C1GALT1: variants seen among roughly 807,000 people sequenced by gnomAD.
The protein encoded by C1GALT1 is glycoprotein-N-acetylgalactosamine 3-beta-galactosyltransferase 1.
A neutral mutation model predicts 31.0 loss-of-function variants in C1GALT1; 11 were observed. The observed-to-expected ratio is 0.36, with a 90% CI of 0.22 to 0.59. The LOEUF (loss-of-function observed/expected upper bound fraction) is 0.59. C1GALT1 is among the 20% of genes least tolerant of loss of function. C1GALT1 has a pLI of 0.79. For missense variants in C1GALT1, 424 were observed against 425.2 expected (o/e 1.00, Z 0.03); for synonymous variants, 175 against 143.6 (o/e 1.22, Z -1.56).
At chr7:7,182,355 C>A (rs1053729380), upstream of C1GALT1, among the ~76,000 whole-genome samples, 1 of 152,204 alleles carries the variant, frequency 6.6e-6, no homozygotes, top group Admixed American at 6.5e-5. Context: ...GTAGCAGACA[C>A]AAGCCGCAAG....
chr7:7,183,455 T>C, intron 1 of C1GALT1: 1 of 257,892 alleles, frequency 3.9e-6, no homozygotes, highest in Non-Finnish European at 6.1e-6. Context: ...AGCAGATACG[T>C]GTGTGTTGGG....
intron 1 of C1GALT1, among the ~76,000 whole-genome samples, chr7:7,222,004 C>A (rs1300409573): frequency 6.6e-6 from 1 of 152,182 alleles, no homozygotes; most frequent in Non-Finnish European, 1.5e-5. Flanking sequence ...GCTAAAATTA[C>A]CCTCTATGGG....
At chr7:7,239,149 GA>G (rs1459050326) in intron 3 of C1GALT1, among the ~76,000 whole-genome samples, 6 of 152,208 alleles carry the variant, frequency 3.9e-5, no homozygotes, top group Non-Finnish European at 8.8e-5. Context: ...CAGGCACTGA[GA>G]ATGTAGAAGT....
chr7:7,188,891 C>G (rs1378558941), intron 1 of C1GALT1, among the ~76,000 whole-genome samples: 1 of 152,114 alleles, frequency 6.6e-6, no homozygotes, highest in African/African-American at 2.4e-5. Context: ...AAAAGCTGAA[C>G]ATACATATGT....
In C1GALT1 at chr7:7,243,741, A is replaced by G. The variant is rs768559591; in HGVS notation, c.*14A>G. The G allele has an allele frequency of 8.9e-6, 14 of 1,567,900 alleles. No individual in the cohort carries two copies. In the African/African-American group the frequency reaches 1.9e-4, roughly 21 times the overall value. On this transcript the variant is annotated 3_prime_UTR_variant, in exon 4 of 4. Transcript: ENST00000436587. ...GGAAATCCTTGAAAGAAAATCATGA[A>G]TGAACAAAGGTAATATGTCTAGCAC...
In C1GALT1 at chr7:7,157,495, T is replaced by A. The variant is rs536872568; in HGVS notation, c.-18+69T>A. The stretch of plus-strand genomic sequence containing the variant: ...CTTTTAGGAATGGATTTGGGGAAAT[T>A]AAGAAACTGTACACCATAACCTTGC... On this transcript the variant is annotated intron_variant, in intron 2 of 3. Coordinates refer to the C1GALT1 transcript ENST00000429911. 5.3e-5 allele frequency: 8 copies of A among 152,346 alleles called. No homozygotes were observed. The East Asian group carries it at 1.5e-3, about 29-fold the overall frequency. The allele number at this position is 152,346 out of a possible 1,614,324, so 9.4% of individuals were successfully genotyped here.
At chr7:7,207,182 T>C (rs549566683) in intron 1 of C1GALT1, among the ~76,000 whole-genome samples, 12 of 152,178 alleles carry the variant, frequency 7.9e-5, no homozygotes, top group Admixed American at 3.9e-4. Flanking sequence ...TTGTTCTCTC[T>C]TCAAGTTCAC....
intron 1 of C1GALT1, among the ~76,000 whole-genome samples, chr7:7,226,130 G>A (rs1782749046): frequency 6.6e-6 from 1 of 152,000 alleles, no homozygotes; most frequent in African/African-American, 2.4e-5. Context: ...TTCTAACATG[G>A]TACCTCACAT....
At chr7:7,236,590 C>T (rs144154443) in intron 2 of C1GALT1, among the ~76,000 whole-genome samples, 3,988 of 151,752 alleles carry the variant, frequency 0.026, 150 homozygotes, top group African/African-American at 0.092. Context: ...GGTGGGATCT[C>T]GGCTCACTGC....
chr7:7,181,040 A>G (rs1320490574), upstream of C1GALT1, among the ~76,000 whole-genome samples: 1 of 152,192 alleles, frequency 6.6e-6, no homozygotes, highest in Admixed American at 6.5e-5. Flanking sequence ...AAGGGTTCTA[A>G]TCTTTGCTCA....
At chr7:7,200,024 C>A (rs1208570256) in intron 1 of C1GALT1, among the ~76,000 whole-genome samples, 1 of 152,160 alleles carries the variant, frequency 6.6e-6, no homozygotes, top group Non-Finnish European at 1.5e-5. Context: ...TTAATTGGAG[C>A]ATTTAGCCCA....
At chr7:7,235,638 T>A (rs985759692) in intron 2 of C1GALT1, among the ~76,000 whole-genome samples, 1 of 152,188 alleles carries the variant, frequency 6.6e-6, no homozygotes, top group Non-Finnish European at 1.5e-5. Context: ...TACATACTTG[T>A]CCAGCTCAGT....
At chr7:7,174,195 T>C (rs1055825873) in intron 2 of C1GALT1, among the ~76,000 whole-genome samples, 3 of 152,150 alleles carry the variant, frequency 2.0e-5, no homozygotes, top group Admixed American at 6.5e-5. Context: ...TTGCACTACT[T>C]CCTTAGAGAC....
chr7:7,212,273 T>C (rs1782040733), intron 1 of C1GALT1, among the ~76,000 whole-genome samples: 1 of 152,232 alleles, frequency 6.6e-6, no homozygotes, highest in Admixed American at 6.5e-5. Context: ...GTGCGGGGAC[T>C]GTGTAGACAA....
At chr7:7,239,481 C>T (rs1783525300) in intron 3 of C1GALT1, among the ~76,000 whole-genome samples, 1 of 152,142 alleles carries the variant, frequency 6.6e-6, no homozygotes, top group Non-Finnish European at 1.5e-5. Flanking sequence ...AGAGTCAAAT[C>T]CTGCTCTCTC....
At chr7:7,217,834 C>T (rs916121271) in intron 1 of C1GALT1, among the ~76,000 whole-genome samples, 1 of 152,132 alleles carries the variant, frequency 6.6e-6, no homozygotes, top group Non-Finnish European at 1.5e-5. Flanking sequence ...CTATGCCTGG[C>T]CCAGAAACAG....
At chr7:7,205,201 G>A (rs1268172071) in intron 1 of C1GALT1, among the ~76,000 whole-genome samples, 2 of 152,066 alleles carry the variant, frequency 1.3e-5, no homozygotes, top group Non-Finnish European at 2.9e-5. Context: ...TATTAGGTAT[G>A]TAAGTGTTTA....
chr7:7,180,265 A>G (rs1172983380), upstream of C1GALT1, among the ~76,000 whole-genome samples: 4 of 152,194 alleles, frequency 2.6e-5, no homozygotes. Context: ...AGTAACCACA[A>G]TTTTTATTCT....
intron 1 of C1GALT1, among the ~76,000 whole-genome samples, chr7:7,203,385 T>G (rs1319928999): frequency 6.6e-6 from 1 of 152,124 alleles, no homozygotes; most frequent in Admixed American, 6.5e-5. Context: ...TTCTCGTGAG[T>G]GTTTATATCA....
Sources: gnomAD v4.1 joint callset for allele counts (sites outside exome capture counted in the v4.1 genomes callset) on GRCh38, gnomAD v4.1.1 for gene constraint, MANE v1.5 for transcripts, NCBI Gene and HGNC (gene_info 2026-07-23, HGNC 2026-07-21) for gene names.